RAPGEF2: variants seen among roughly 807,000 people sequenced by gnomAD.
The protein encoded by RAPGEF2 is PDZ domain containing guanine nucleotide exchange factor (GEF) 1.
Under a neutral mutation model 186.7 loss-of-function variants are expected in RAPGEF2, and 54 were observed. The ratio of observed to expected loss-of-function variants is 0.29; its 90% CI spans 0.23 to 0.36. RAPGEF2 has a LOEUF of 0.36. RAPGEF2 is among the 10% of genes least tolerant of loss of function. RAPGEF2 has a pLI of 1.00. For missense variants in RAPGEF2, 1,532 were observed against 2,045.0 expected (o/e 0.75, Z 4.84); for synonymous variants, 712 against 705.9 (o/e 1.01, Z -0.14).
intron 7 of RAPGEF2, among the ~76,000 whole-genome samples, chr4:159,250,665 CTTTTT>C (rs34304252): frequency 4.0e-4 from 49 of 123,020 alleles, no homozygotes; most frequent in African/African-American, 4.8e-4. Flanking sequence ...TAGCACTCTT[CTTTTT>C]TTTTTTTTTT....
chr4:159,213,254 T>C (rs536477562), intron 4 of RAPGEF2, among the ~76,000 whole-genome samples: 1 of 152,326 alleles, frequency 6.6e-6, no homozygotes, highest in African/African-American at 2.4e-5. Context: ...TGTTGAAGAT[T>C]GGCGTTAGTG....
chr4:159,243,181 A>G (rs1754216948), intron 6 of RAPGEF2, among the ~76,000 whole-genome samples: 1 of 151,708 alleles, frequency 6.6e-6, no homozygotes, highest in Admixed American at 6.6e-5. Flanking sequence ...GGGAAAATTC[A>G]ATAGTAGGAT....
At chr4:159,128,398 A>G (rs1300767646) in intron 1 of RAPGEF2, among the ~76,000 whole-genome samples, 1 of 152,110 alleles carries the variant, frequency 6.6e-6, no homozygotes, top group African/African-American at 2.4e-5. Flanking sequence ...AGTTTAATAT[A>G]TGAGAAAGTA....
chr4:159,323,409 T>G (rs769597235), intron 10 of RAPGEF2, 50 bp from the exon 11 acceptor site: 63 of 1,442,324 alleles, frequency 4.4e-5, no homozygotes, highest in Non-Finnish European at 5.5e-5. Context: ...CACTTACAGC[T>G]GTATGATCAT....
At chr4:159,305,031 T>C (rs1763112233) in intron 8 of RAPGEF2, among the ~76,000 whole-genome samples, 1 of 152,216 alleles carries the variant, frequency 6.6e-6, no homozygotes, top group Non-Finnish European at 1.5e-5. Context: ...TTTTTATGGC[T>C]GAATAGTATT....
intron 7 of RAPGEF2, among the ~76,000 whole-genome samples, chr4:159,271,083 T>C (rs1758067371): frequency 6.6e-6 from 1 of 152,200 alleles, no homozygotes; most frequent in Admixed American, 6.5e-5. Flanking sequence ...AAAAAAGTTT[T>C]ATAGGCTCAT....
intron 19 of RAPGEF2, among the ~76,000 whole-genome samples, chr4:159,340,924 T>C (rs1379518621): frequency 6.6e-6 from 1 of 152,224 alleles, no homozygotes; most frequent in African/African-American, 2.4e-5. Flanking sequence ...AGTCAACCTT[T>C]AGGAGCCTGT....
At chr4:159,290,727 C>T (rs1761089643) in intron 7 of RAPGEF2, among the ~76,000 whole-genome samples, 1 of 149,526 alleles carries the variant, frequency 6.7e-6, no homozygotes, top group African/African-American at 2.5e-5. Flanking sequence ...TCAGACTATT[C>T]ATTTAATGGC....
At chr4:159,339,650 G>A (rs899255259) in intron 19 of RAPGEF2, among the ~76,000 whole-genome samples, 5 of 152,156 alleles carry the variant, frequency 3.3e-5, no homozygotes, top group Admixed American at 3.3e-4. Context: ...TTGCCTTGGG[G>A]TCCTGGTTTG....
chr4:159,356,546 T>C (rs560119843), intron 29 of RAPGEF2, among the ~76,000 whole-genome samples: 2 of 152,330 alleles, frequency 1.3e-5, no homozygotes, highest in East Asian at 1.9e-4. Flanking sequence ...ACAGTGTTTA[T>C]ATGACTTGAT....
In RAPGEF2 at chr4:159,291,331, T is replaced by C. The variant is rs28609571; in HGVS notation, c.544-13011T>C. Among the ~76,000 whole-genome samples, 1,238 of 152,264 alleles carry C rather than the reference T, an allele frequency of 8.1e-3. 13 individuals carry two copies. The highest frequency in any genetic ancestry group is 0.028 in the African/African-American group (1,167 of 41,558). On this transcript the variant is annotated intron_variant, in intron 7 of 29. Coordinates refer to ENST00000691494, the MANE Select transcript of RAPGEF2 (RefSeq NM_001394067.2). ...TTTTTATCATTTTTTGAGACAAGGT[T>C]TCACTCTGCCATCCAGGCTGGAGTG...
chr4:159,161,131 C>T (rs1744664807), intron 1 of RAPGEF2, among the ~76,000 whole-genome samples: 2 of 151,972 alleles, frequency 1.3e-5, no homozygotes, highest in African/African-American at 4.8e-5. Flanking sequence ...TGGATGTAAA[C>T]ATTAAAAACG....
chr4:159,282,872 T>A (rs564980587), intron 7 of RAPGEF2, among the ~76,000 whole-genome samples: 1 of 152,216 alleles, frequency 6.6e-6, no homozygotes, highest in Non-Finnish European at 1.5e-5. Context: ...TGCTGCGTTC[T>A]TTTAAGAAGA....
At chr4:159,260,619 A>G (rs1239142542) in intron 7 of RAPGEF2, among the ~76,000 whole-genome samples, 1 of 152,218 alleles carries the variant, frequency 6.6e-6, no homozygotes, top group Non-Finnish European at 1.5e-5. Context: ...TAAGATTTTT[A>G]AATTACAATT....
intron 1 of RAPGEF2, among the ~76,000 whole-genome samples, chr4:159,109,403 G>A (rs1738246901): frequency 6.6e-6 from 1 of 152,122 alleles, no homozygotes; most frequent in Non-Finnish European, 1.5e-5. Context: ...TTGATAATCC[G>A]TATTTTATGG....
At chr4:159,111,485 G>T (rs913072533) in intron 1 of RAPGEF2, among the ~76,000 whole-genome samples, 1 of 152,176 alleles carries the variant, frequency 6.6e-6, no homozygotes, top group Non-Finnish European at 1.5e-5. Flanking sequence ...CTGCCCCTTG[G>T]CACCTTTCTG....
intron 3 of RAPGEF2, among the ~76,000 whole-genome samples, chr4:159,208,142 G>T (rs185944411): frequency 1.3e-5 from 2 of 152,286 alleles, no homozygotes; most frequent in Admixed American, 1.3e-4. Flanking sequence ...ATGGACTTGG[G>T]GGGAAAGATG....
chr4:159,233,462 A>G (rs1053035353), intron 4 of RAPGEF2, among the ~76,000 whole-genome samples: 3 of 152,204 alleles, frequency 2.0e-5, no homozygotes, highest in East Asian at 3.8e-4. Context: ...CAACTGGTCA[A>G]TCATTTGCAG....
chr4:159,195,875 GTTTTTTTTTTTTTTTTTTTTTT>G (rs34827512), intron 3 of RAPGEF2, among the ~76,000 whole-genome samples: 2 of 94,228 alleles, frequency 2.1e-5, no homozygotes, highest in East Asian at 8.7e-4. Context: ...AAACATACCT[GTTTTTTTTTTTTTTTTTTTTTT>G]TTTTTTTCCC....
Sources: allele counts gnomAD v4.1 joint callset (sites outside exome capture counted in the v4.1 genomes callset), GRCh38; gene constraint gnomAD v4.1.1; transcripts MANE v1.5; gene names NCBI Gene and HGNC (gene_info 2026-07-23, HGNC 2026-07-21).